Variants in FGF14 observed in about 807,000 individuals in gnomAD.
FGF14 encodes the protein fibroblast growth factor 14, also known as fibroblast growth factor homologous factor 4.
FGF14 carries 5 observed loss-of-function variants against 25.5 expected under a neutral mutation model. The observed-to-expected ratio is 0.20, with a 90% CI of 0.10 to 0.41. The LOEUF (loss-of-function observed/expected upper bound fraction) is 0.41. Among genes scored for constraint, FGF14 ranks in the 10% least tolerant of loss-of-function variants. The pLI is 1.00. For missense variants in FGF14, 222 were observed against 320.1 expected, an observed-to-expected ratio of 0.69 and a Z score of 2.34; for synonymous variants, 138 against 118.3, an observed-to-expected ratio of 1.17 and a Z score of -1.08.
At chr13:101,780,466 C>A (rs997665552) in intron 3 of FGF14, among the ~76,000 whole-genome samples, 1 of 152,140 alleles carries the variant, frequency 6.6e-6, no homozygotes, top group Admixed American at 6.5e-5. Flanking sequence ...ATGCCAATGT[C>A]AATCTAAAGA....
intron 1 of FGF14, among the ~76,000 whole-genome samples, chr13:102,125,330 T>A (rs2045907883): frequency 6.6e-6 from 1 of 152,152 alleles, no homozygotes; most frequent in African/African-American, 2.4e-5. Context: ...TACATATTCA[T>A]AGAAAAAAGA....
At chr13:102,302,963 C>T (rs948340302) in intron 1 of FGF14, among the ~76,000 whole-genome samples, 1 of 152,272 alleles carries the variant, frequency 6.6e-6, no homozygotes, top group Admixed American at 6.5e-5. Context: ...GTTTTCCTGT[C>T]CCCTAGGAGT....
intron 1 of FGF14, among the ~76,000 whole-genome samples, chr13:102,378,953 C>T (rs1932776): frequency 0.29 from 44,208 of 151,876 alleles, 6,797 homozygotes; most frequent in African/African-American, 0.38. Flanking sequence ...CACACTTTGA[C>T]CAGTACAAGC....
At chr13:101,748,973 CATTT>C (rs2037083235) in intron 3 of FGF14, among the ~76,000 whole-genome samples, 1 of 151,888 alleles carries the variant, frequency 6.6e-6, no homozygotes, top group Admixed American at 6.6e-5. Flanking sequence ...AATGGGATAT[CATTT>C]AGTTTTTAAA....
intron 1 of FGF14, among the ~76,000 whole-genome samples, chr13:101,928,746 A>G (rs1446842783): frequency 2.0e-5 from 3 of 152,170 alleles, no homozygotes; most frequent in African/African-American, 7.2e-5. Flanking sequence ...GTGGTGTGCC[A>G]GGACCTCTCC....
chr13:101,922,657 G>T (rs765448652), intron 1 of FGF14, among the ~76,000 whole-genome samples: 1 of 151,836 alleles, frequency 6.6e-6, no homozygotes, highest in African/African-American at 2.4e-5. Context: ...ATATAAACTC[G>T]AAGTGAGGAG....
At chr13:102,204,115 T>C (rs1215399963) in intron 1 of FGF14, among the ~76,000 whole-genome samples, 1 of 152,204 alleles carries the variant, frequency 6.6e-6, no homozygotes, top group Non-Finnish European at 1.5e-5. Context: ...AAATTGTGAT[T>C]TGACTCAGCT....
chr13:101,955,351 C>T (rs1468063978), intron 1 of FGF14, among the ~76,000 whole-genome samples: 1 of 152,224 alleles, frequency 6.6e-6, no homozygotes, highest in East Asian at 1.9e-4. Context: ...AACCAGCAGG[C>T]CTCCTGCCTT....
At chr13:102,073,053 C>A (rs536061133) in intron 1 of FGF14, among the ~76,000 whole-genome samples, 163 of 152,244 alleles carry the variant, frequency 1.1e-3, no homozygotes, top group South Asian at 2.3e-3. Flanking sequence ...ACCAGCCTGG[C>A]CAACATGGTG....
At chr13:101,868,577 A>G (rs2044863318) in intron 3 of FGF14, 148 bp downstream of exon 3, 5 of 696,634 alleles carry the variant, frequency 7.2e-6, no homozygotes, top group Non-Finnish European at 1.1e-5. Flanking sequence ...GGTGAATAAT[A>G]AACAGCTTCT....
chr13:102,185,558 T>C (rs1310536227), intron 1 of FGF14, among the ~76,000 whole-genome samples: 3 of 152,206 alleles, frequency 2.0e-5, no homozygotes, highest in Non-Finnish European at 2.9e-5. Flanking sequence ...CTCACAATAA[T>C]AAACTATATC....
At chr13:102,208,969 T>C (rs1722541178) in intron 1 of FGF14, among the ~76,000 whole-genome samples, 1 of 152,214 alleles carries the variant, frequency 6.6e-6, no homozygotes, top group East Asian at 1.9e-4. Context: ...TCCAGCAGAA[T>C]CACACTCCAA....
chr13:102,114,302 A>G (rs1289690103), intron 1 of FGF14, among the ~76,000 whole-genome samples: 2 of 152,172 alleles, frequency 1.3e-5, no homozygotes, highest in Non-Finnish European at 2.9e-5. Context: ...TATATATTTT[A>G]GAGATCAACC....
chr13:102,320,622 G>A (rs982485197), intron 1 of FGF14, among the ~76,000 whole-genome samples: 5 of 152,136 alleles, frequency 3.3e-5, no homozygotes, highest in Non-Finnish European at 1.5e-5. Context: ...ACAATTAGAG[G>A]TAGGAGGCAA....
chr13:101,934,641 G>C (rs2034981493), intron 1 of FGF14, among the ~76,000 whole-genome samples: 1 of 152,144 alleles, frequency 6.6e-6, no homozygotes. Flanking sequence ...TAATTCAAAT[G>C]AACATCAGAA....
chr13:102,230,679 T>C (rs1411938607), intron 1 of FGF14, among the ~76,000 whole-genome samples: 1 of 152,178 alleles, frequency 6.6e-6, no homozygotes, highest in Non-Finnish European at 1.5e-5. Flanking sequence ...GTGCTAGTCA[T>C]TCTGGAAAGA....
chr13:102,045,985 C>G (rs1326262061), intron 1 of FGF14: 2 of 154,196 alleles, frequency 1.3e-5, no homozygotes, highest in Non-Finnish European at 2.9e-5. Flanking sequence ...CAGCAATTAC[C>G]AAGTGATTGA....
chr13:102,239,609 T>TA (rs1310165405), intron 1 of FGF14, among the ~76,000 whole-genome samples: 14 of 151,018 alleles, frequency 9.3e-5, no homozygotes, highest in Admixed American at 2.0e-4. Flanking sequence ...GACTAACAAG[T>TA]AAAAAATAAA....
chr13:102,373,302 T>C (rs1594981253), intron 1 of FGF14: 1 of 152,200 alleles, frequency 6.6e-6, no homozygotes. Flanking sequence ...ACATGGTAAA[T>C]TACCTTCCTG....
Sources: allele counts gnomAD v4.1 joint callset (sites outside exome capture counted in the v4.1 genomes callset), GRCh38; gene constraint gnomAD v4.1.1; transcripts MANE v1.5; gene names NCBI Gene and HGNC (gene_info 2026-07-23, HGNC 2026-07-21).